The following FERRY3 variants were observed in gnomAD, a reference collection of about 807,000 sequenced individuals.
FERRY3 encodes FERRY endosomal RAB5 effector complex subunit 3, also known as protein C12orf4.
At chr12:4,514,666 A>G in the FERRY3 span, among the ~76,000 whole-genome samples, 4 of 147,408 alleles carry the variant, frequency 2.7e-5, no homozygotes, top group African/African-American at 7.5e-5. Context: ...AACACCGCAT[A>G]TTCTCACTCA....
the FERRY3 span, among the ~76,000 whole-genome samples, chr12:4,511,067 A>G: frequency 6.7e-6 from 1 of 148,630 alleles, no homozygotes; most frequent in Non-Finnish European, 1.5e-5. Flanking sequence ...AATGGAAAAC[A>G]AAAAAAGGCA....
chr12:4,528,207 C>T, the FERRY3 span, among the ~76,000 whole-genome samples: 12 of 152,002 alleles, frequency 7.9e-5, no homozygotes, highest in African/African-American at 2.9e-4. Context: ...GAAAACCTGA[C>T]GGCTAATAAC....
chr12:4,487,828 T>C, the FERRY3 span: 1 of 152,178 alleles, frequency 6.6e-6, no homozygotes, highest in Non-Finnish European at 1.5e-5. Context: ...GAATGCTGTC[T>C]CAGCCCAAGG....
At chr12:4,519,919 G>T in the FERRY3 span, among the ~76,000 whole-genome samples, 1 of 152,180 alleles carries the variant, frequency 6.6e-6, no homozygotes, top group East Asian at 1.9e-4. The surrounding 1 kb of genome is among the most constrained non-coding windows in gnomAD (Gnocchi z 4.3). Context: ...TGCCAAAAAG[G>T]CTCAGAGGAC....
the FERRY3 span, chr12:4,534,359 A>G: frequency 6.7e-6 from 10 of 1,491,976 alleles, no homozygotes; most frequent in Non-Finnish European, 8.9e-6. Context: ...AATAGGGAAC[A>G]TTTTACTTGG....
At chr12:4,522,534 G>A in the FERRY3 span, among the ~76,000 whole-genome samples, 1 of 152,188 alleles carries the variant, frequency 6.6e-6, no homozygotes, top group Admixed American at 6.5e-5. Flanking sequence ...ATGAAGATAT[G>A]GAACACCTGG....
the FERRY3 span, among the ~76,000 whole-genome samples, chr12:4,533,239 A>G: frequency 6.6e-6 from 1 of 152,268 alleles, no homozygotes; most frequent in South Asian, 2.1e-4. Flanking sequence ...TCTCCATTTG[A>G]GTTCTGGATT....
chr12:4,536,399 A>T, the FERRY3 span, among the ~76,000 whole-genome samples: 1 of 138,010 alleles, frequency 7.2e-6, no homozygotes, highest in Non-Finnish European at 1.6e-5. Context: ...GTGCTTCTTT[A>T]AAAAAAAAAA....
the FERRY3 span, among the ~76,000 whole-genome samples, chr12:4,526,600 G>A: frequency 1.3e-5 from 2 of 152,064 alleles, no homozygotes; most frequent in East Asian, 3.9e-4. Flanking sequence ...CCAGCACTTT[G>A]GGAGGCCGAG....
At chr12:4,525,451 C>A in the FERRY3 span, 331 of 1,602,534 alleles carry the variant, frequency 2.1e-4, 2 homozygotes, top group African/African-American at 4.1e-3. Flanking sequence ...GAAAATGCAA[C>A]TGCATACCTA....
chr12:4,516,735 A>G, the FERRY3 span, among the ~76,000 whole-genome samples: 5 of 152,290 alleles, frequency 3.3e-5, no homozygotes, highest in South Asian at 1.0e-3. Context: ...ATCAGGAAGA[A>G]TAGGTAATAG....
the FERRY3 span, among the ~76,000 whole-genome samples, chr12:4,507,005 T>C: frequency 6.6e-6 from 1 of 152,180 alleles, no homozygotes; most frequent in Admixed American, 6.5e-5. Flanking sequence ...AACCACAAAG[T>C]AGTTGCTTGA....
At chr12:4,527,071 A>G in the FERRY3 span, among the ~76,000 whole-genome samples, 1 of 152,284 alleles carries the variant, frequency 6.6e-6, no homozygotes, top group East Asian at 1.9e-4. Flanking sequence ...TGAGATTCTT[A>G]TTTAGAAACA....
At chr12:4,487,761 T>C in the FERRY3 span, 1 of 151,778 alleles carries the variant, frequency 6.6e-6, no homozygotes, top group Admixed American at 6.6e-5. Flanking sequence ...TTTATTGTAT[T>C]TTTTTTCAGA....
the FERRY3 span, among the ~76,000 whole-genome samples, chr12:4,497,184 A>C: frequency 6.6e-6 from 1 of 152,230 alleles, no homozygotes. Context: ...CTAGTCACAC[A>C]ATAATATATA....
At chr12:4,529,110 A>G in the FERRY3 span, among the ~76,000 whole-genome samples, 1 of 152,188 alleles carries the variant, frequency 6.6e-6, no homozygotes, top group Non-Finnish European at 1.5e-5. Flanking sequence ...CTGAATTCCT[A>G]TCACAATTTA....
At chr12:4,524,354 A>G in the FERRY3 span, among the ~76,000 whole-genome samples, 1 of 152,178 alleles carries the variant, frequency 6.6e-6, no homozygotes, top group East Asian at 1.9e-4. Context: ...GGCAAATGAA[A>G]AACTGTAATA....
chr12:4,524,514 G>GAA, the FERRY3 span, among the ~76,000 whole-genome samples: 1 of 121,518 alleles, frequency 8.2e-6, no homozygotes, highest in Non-Finnish European at 1.8e-5. Context: ...GGTACACAAC[G>GAA]AAAAAAAAAA....
At chr12:4,529,932 T>A in the FERRY3 span, 1 of 1,613,544 alleles carries the variant, frequency 6.2e-7, no homozygotes, top group African/African-American at 1.3e-5. Context: ...ACTAACAAAG[T>A]AATTATGTTC....
Sources: gnomAD v4.1 joint callset for allele counts (sites outside exome capture counted in the v4.1 genomes callset) on GRCh38, gnomAD v4.1.1 for gene constraint, Gnocchi (gnomAD v3.1) non-coding constraint, MANE v1.5 for transcripts, NCBI Gene and HGNC (gene_info 2026-07-23, HGNC 2026-07-21) for gene names.